Variants in MET observed in about 807,000 individuals in gnomAD.
MET encodes hepatocyte growth factor receptor.
MET carries 48 observed loss-of-function variants against 133.1 expected under a neutral mutation model. That is an observed-to-expected ratio of 0.36 (90% CI 0.29 to 0.46). The LOEUF is 0.46. Among genes scored for constraint, MET ranks in the 20% least tolerant of loss-of-function variants. MET has a pLI of 1.00. For missense variants in MET, 1,442 were observed against 1,695.9 expected (o/e 0.85, Z 2.63); for synonymous variants, 628 against 616.5 (o/e 1.02, Z -0.28).
At chr7:116,774,080 A>G (rs1794914890) in intron 14 of MET, among the ~76,000 whole-genome samples, 1 of 152,160 alleles carries the variant, frequency 6.6e-6, no homozygotes, top group Admixed American at 6.5e-5. Flanking sequence ...GTGGAAAGAG[A>G]AAGGGAAAGT....
rs559046502 is a variant in MET, at chr7:116,763,782, A to G, written c.2583+514A>G. Among the ~76,000 whole-genome samples the G allele has an allele frequency of 2.6e-5, 4 of 152,332 alleles. No homozygotes were observed. In the East Asian group the frequency reaches 7.7e-4, roughly 29 times the overall value. On this transcript the variant is annotated intron_variant, in intron 11 of 20. Coordinates refer to ENST00000397752, the MANE Select transcript of MET (RefSeq NM_000245.4). ...AATGTAATTTAATAGAGAATAACAGATCATCTTTTCTAAAGCAAGCCTGTT... is the reference window on the plus strand; with the variant it reads ...AATGTAATTTAATAGAGAATAACAGGTCATCTTTTCTAAAGCAAGCCTGTT...
chr7:116,740,261 A>G lies in MET; in HGVS notation c.1527+177A>G. 6 of 764,588 alleles carry G rather than the reference A, an allele frequency of 7.8e-6. No homozygotes were observed. The South Asian group carries it at 9.6e-5, about 12-fold the overall frequency. 47.4% of individuals were successfully genotyped at this position (764,588 alleles called of 1,614,324 possible). Reference sequence around the variant, plus strand: ...TGAAATCTAGTTAATTTGTTCTCCAAGAAAGACTAGACCTAAGGGAGGTCT... The same window carrying G: ...TGAAATCTAGTTAATTTGTTCTCCAGGAAAGACTAGACCTAAGGGAGGTCT... On this transcript the variant is annotated intron_variant, in intron 4 of 20. Transcript: ENST00000397752.
At chr7:116,763,952 G>A (rs1044335345) in intron 11 of MET, among the ~76,000 whole-genome samples, 8 of 152,144 alleles carry the variant, frequency 5.3e-5, no homozygotes, top group Non-Finnish European at 7.4e-5. Flanking sequence ...AAATGCTCAA[G>A]ACTTGAATTA....
chr7:116,795,480 T>G (rs1280353352), intron 19 of MET, among the ~76,000 whole-genome samples, 175 bp from the exon 20 acceptor site: 1 of 152,248 alleles, frequency 6.6e-6, no homozygotes, highest in African/African-American at 2.4e-5. Flanking sequence ...CCTTACTTGT[T>G]TAAACAAGTC....
intron 1 of MET, among the ~76,000 whole-genome samples, chr7:116,678,762 T>C (rs1483782606): frequency 6.6e-6 from 1 of 152,178 alleles, no homozygotes; most frequent in African/African-American, 2.4e-5. Flanking sequence ...TTTTAGCTAT[T>C]AAATTTTAAA....
At chr7:116,729,993 A>G (rs1212161024) in intron 2 of MET, among the ~76,000 whole-genome samples, 6 of 152,186 alleles carry the variant, frequency 3.9e-5, no homozygotes, top group Non-Finnish European at 7.3e-5. Context: ...GAAGTTTCAC[A>G]TTATCTTATA....
intron 5 of MET, among the ~76,000 whole-genome samples, chr7:116,754,152 TAATG>T (rs574292626): frequency 4.0e-5 from 6 of 151,874 alleles, no homozygotes; most frequent in Admixed American, 1.3e-4. Flanking sequence ...AATAAGTAAA[TAATG>T]AATGAATGAA....
At chr7:116,759,527 G>A (rs2116939794) in intron 10 of MET, 37 bp downstream of exon 10, 1 of 1,599,408 alleles carries the variant, frequency 6.3e-7, no homozygotes, top group Admixed American at 1.7e-5. Flanking sequence ...TCAGAGCTCT[G>A]CATCTTTGCC....
At chr7:116,716,292 A>G (rs868665823) in intron 2 of MET, among the ~76,000 whole-genome samples, 7 of 77,696 alleles carry the variant, frequency 9.0e-5, no homozygotes, top group African/African-American at 3.2e-4. Context: ...AGGGAGAGAG[A>G]GAGAGAGAGA....
At chr7:116,770,657 T>C (rs1205186994) in intron 12 of MET, among the ~76,000 whole-genome samples, 1 of 152,188 alleles carries the variant, frequency 6.6e-6, no homozygotes, top group Non-Finnish European at 1.5e-5. Context: ...ATATTTCATG[T>C]GAGTGGAATC....
chr7:116,740,433 C>G (rs967895310), intron 4 of MET, among the ~76,000 whole-genome samples: 2 of 152,214 alleles, frequency 1.3e-5, no homozygotes, highest in Non-Finnish European at 2.9e-5. Context: ...CCAATAATCC[C>G]TTTTCTCCTA....
At chr7:116,785,793 G>C (rs573744962) in intron 19 of MET, among the ~76,000 whole-genome samples, 1 of 152,288 alleles carries the variant, frequency 6.6e-6, no homozygotes, top group South Asian at 2.1e-4. Context: ...TATTTACCAA[G>C]GAATTGATAA....
intron 4 of MET, among the ~76,000 whole-genome samples, chr7:116,740,415 G>C (rs1016255081): frequency 6.6e-6 from 1 of 152,170 alleles, no homozygotes; most frequent in Non-Finnish European, 1.5e-5. Context: ...ATTGGAATCC[G>C]ACTCCAACCA....
At chr7:116,701,957 AAG>A (rs1320027830) in intron 2 of MET, among the ~76,000 whole-genome samples, 3 of 152,292 alleles carry the variant, frequency 2.0e-5, no homozygotes, top group East Asian at 3.9e-4. Context: ...AAAAATTAAA[AAG>A]AGAATTCATA....
intron 5 of MET, among the ~76,000 whole-genome samples, chr7:116,744,284 A>T (rs1793574055): frequency 6.6e-6 from 1 of 152,132 alleles, no homozygotes; most frequent in Admixed American, 6.5e-5. Flanking sequence ...GGAAGCTAAG[A>T]ACCTTGAAAA....
intron 2 of MET, among the ~76,000 whole-genome samples, chr7:116,704,062 G>A (rs1039753743): frequency 6.6e-6 from 1 of 152,046 alleles, no homozygotes; most frequent in African/African-American, 2.4e-5. Flanking sequence ...AAAAGCATTT[G>A]GTGCCAGACA....
chr7:116,702,177 C>T (rs970867744), intron 2 of MET, among the ~76,000 whole-genome samples: 3 of 152,094 alleles, frequency 2.0e-5, no homozygotes. Flanking sequence ...CCAAAATGCA[C>T]TAGCCACACC....
chr7:116,787,681 G>A (rs1249634253), intron 19 of MET, among the ~76,000 whole-genome samples: 1 of 152,184 alleles, frequency 6.6e-6, no homozygotes, highest in African/African-American at 2.4e-5. Flanking sequence ...TCTGAACACT[G>A]TTGCATTGGG....
At position 116,758,466 on chromosome 7, in the gene MET, A is replaced by G. The variant is rs373030463; in HGVS notation, c.2110A>G (p.Asn704Asp). 27 of 1,613,604 alleles carry G rather than the reference A, an allele frequency of 1.7e-5. No individual in the cohort carries two copies. The African/African-American group carries it at 3.5e-4, about 21-fold the overall frequency. ...TTAATTTTTTTTGTTCAGTGTGTCA[A>G]ACAGTATTCTTGAATGTTATACCCC... ...GKTCTLKSVS[N>D]SILECYTPAQ... The change falls in exon 9 of 21, where the codon AAC becomes GAC. Residue 704 changes from asparagine to aspartate, a missense_variant. By Grantham distance (23) the Asn-to-Asp change is conservative (BLOSUM62 1). This residue lies in a region of MET where 514 missense variants were observed against 659.6 expected (regional missense o/e 0.78). Transcript: ENST00000397752.
Sources: gnomAD v4.1 joint callset for allele counts (sites outside exome capture counted in the v4.1 genomes callset) on GRCh38, gnomAD v4.1.1 for gene constraint, gnomAD v4.1.1 regional missense constraint, MANE v1.5 for transcripts, NCBI Gene and HGNC (gene_info 2026-07-23, HGNC 2026-07-21) for gene names.